Variants in HELLS observed in about 807,000 individuals in gnomAD.
The protein encoded by HELLS is helicase, lymphoid specific.
A neutral mutation model predicts 120.0 loss-of-function variants in HELLS; 32 were observed. That is an observed-to-expected ratio of 0.27 (90% CI 0.20 to 0.36). HELLS has a LOEUF of 0.36. HELLS is among the 10% of genes least tolerant of loss of function. The probability of loss-of-function intolerance (pLI) is 1.00; values close to 1 mark genes in which losing one functional copy is unlikely to be tolerated. For synonymous variants in HELLS, 341 were observed against 323.4 expected (o/e 1.05, Z -0.58); for missense variants, 650 against 993.4 (o/e 0.65, Z 4.65).
chr10:94,577,999 C>T (rs375959135), intron 10 of HELLS, among the ~76,000 whole-genome samples: 92 of 144,344 alleles, frequency 6.4e-4, no homozygotes, highest in African/African-American at 2.1e-3. Context: ...GGAAGCGGAG[C>T]TTGCAGTGAG....
intron 10 of HELLS, among the ~76,000 whole-genome samples, chr10:94,580,370 C>CG (rs1354831885): frequency 2.0e-5 from 3 of 151,236 alleles, no homozygotes; most frequent in East Asian, 3.9e-4. Flanking sequence ...TTAGTAGAGA[C>CG]GGGGTTTCAC....
chr10:94,580,179 ACACAC>A (rs1207284954), intron 10 of HELLS, among the ~76,000 whole-genome samples: 7 of 115,514 alleles, frequency 6.1e-5, no homozygotes, highest in African/African-American at 2.0e-4. Flanking sequence ...ACACACACAC[ACACAC>A]ATTTTTTTTT....
chr10:94,580,393 G>GCAC (rs1158477132), intron 10 of HELLS, among the ~76,000 whole-genome samples: 3 of 151,374 alleles, frequency 2.0e-5, no homozygotes, highest in African/African-American at 7.3e-5. Context: ...AGTTGGCCAG[G>GCAC]CTGGTCTCAA....
At position 94,592,278 on chromosome 10, in the gene HELLS, G is replaced by T. The variant is rs948418095; in HGVS notation, c.1817G>T (p.Arg606Leu). ...TCTGGGAAGTTCTTGATTTTGGATC[G>T]AATGCTGCCAGAACTAAAAAAAAGA... ...TNSGKFLILD[R>L]MLPELKKRGH... The change falls in exon 16 of 22, where the codon CGA (arginine) becomes CTA (leucine). Residue 606 changes from arginine to leucine, a missense_variant. Coordinates refer to ENST00000348459, the MANE Select transcript of HELLS (RefSeq NM_018063.5). 1 of 1,612,014 alleles carries T rather than the reference G, an allele frequency of 6.2e-7. No homozygotes were observed. Among genetic ancestry groups the T allele is most frequent in the Admixed American group, 1.7e-5 (1 of 59,852 alleles).
rs1842921179 is a variant in HELLS at position 94,550,287 on chromosome 10, T to A, written c.153+3789T>A. Among the ~76,000 whole-genome samples, 3 of 151,774 alleles carry A rather than the reference T, an allele frequency of 2.0e-5. No homozygotes were observed. In the South Asian group the frequency reaches 6.2e-4, roughly 32 times the overall value. On this transcript the variant is annotated intron_variant, in intron 2 of 21. Coordinates refer to ENST00000348459, the MANE Select transcript of HELLS (RefSeq NM_018063.5). ...AGTATTTAGGTTTTTTTTGCTTGTT[T>A]GTTTGTTTTGAGACGGAGTCTCCCT...
intron 12 of HELLS, among the ~76,000 whole-genome samples, chr10:94,587,243 A>T (rs554264659): frequency 1.3e-5 from 2 of 152,090 alleles, no homozygotes; most frequent in Admixed American, 6.6e-5. Context: ...CTATTAAAAA[A>T]TTTTTAATTT....
At chr10:94,564,637 A>G (rs1453651050) in intron 6 of HELLS, among the ~76,000 whole-genome samples, 1 of 151,776 alleles carries the variant, frequency 6.6e-6, no homozygotes, top group Non-Finnish European at 1.5e-5. Flanking sequence ...TCTTGGAGAC[A>G]GTCTTGCTCT....
At chr10:94,587,976 T>C (rs1443294601) in intron 12 of HELLS, among the ~76,000 whole-genome samples, 2 of 152,208 alleles carry the variant, frequency 1.3e-5, no homozygotes, top group Non-Finnish European at 2.9e-5. Flanking sequence ...ACCTTTATAT[T>C]TTTACTTTTA....
Position 94,601,680 on chromosome 10 carries a change from A to T in HELLS, c.*58A>T. On this transcript the variant is annotated 3_prime_UTR_variant, in exon 22 of 22. Coordinates refer to ENST00000348459, the MANE Select transcript of HELLS (RefSeq NM_018063.5). Reference sequence around the variant, plus strand: ...TATTTACATCTAGTGATTTCCCTGTATTGGGTTTGAAATACTGATTGTCCA... The same window carrying T: ...TATTTACATCTAGTGATTTCCCTGTTTTGGGTTTGAAATACTGATTGTCCA... The T allele has an allele frequency of 1.1e-6, 1 of 898,142 alleles. No homozygotes were observed. The highest frequency in any genetic ancestry group is 1.8e-6 in the Non-Finnish European group (1 of 567,730). 55.6% of individuals were successfully genotyped at this position (898,142 alleles called of 1,614,324 possible).
At chr10:94,554,348 T>C in intron 3 of HELLS, 100 bp downstream of exon 3, 2 of 809,236 alleles carry the variant, frequency 2.5e-6, no homozygotes, top group Non-Finnish European at 3.6e-6. Context: ...AGATTTTAAG[T>C]GTACGGTTTG....
At chr10:94,558,612 T>C (rs1843381153) in intron 4 of HELLS, among the ~76,000 whole-genome samples, 1 of 152,098 alleles carries the variant, frequency 6.6e-6, no homozygotes, top group Non-Finnish European at 1.5e-5. Context: ...ATTTTTTTTT[T>C]CTTTTTTGAG....
intron 3 of HELLS, among the ~76,000 whole-genome samples, chr10:94,554,594 A>G (rs535831367): frequency 7.5e-4 from 111 of 148,912 alleles, no homozygotes; most frequent in Non-Finnish European, 1.4e-3. Flanking sequence ...CTTCATCACC[A>G]TTTCCTGGTA....
At chr10:94,553,964 C>G (rs1843113149) in intron 2 of HELLS, among the ~76,000 whole-genome samples, 162 bp from the exon 3 acceptor site, 2 of 151,474 alleles carry the variant, frequency 1.3e-5, no homozygotes, top group African/African-American at 4.9e-5. Context: ...CCTGTTAAAC[C>G]CAAAAACTAT....
At chr10:94,552,735 G>C (rs187144257) in intron 2 of HELLS, among the ~76,000 whole-genome samples, 1 of 152,216 alleles carries the variant, frequency 6.6e-6, no homozygotes, top group East Asian at 1.9e-4. Flanking sequence ...ACTTTGGGAG[G>C]ACAAGGCAGA....
At chr10:94,573,022 C>T (rs1256907886) in intron 7 of HELLS, among the ~76,000 whole-genome samples, 9 of 151,774 alleles carry the variant, frequency 5.9e-5, no homozygotes, top group African/African-American at 2.2e-4. Context: ...TGCAATGGCA[C>T]GATCTCGGCT....
At chr10:94,570,210 A>G (rs969754942) in intron 6 of HELLS, 2 of 151,702 alleles carry the variant, frequency 1.3e-5, no homozygotes, top group Admixed American at 6.6e-5. Flanking sequence ...CCCAGCCAAC[A>G]TTTATATTTT....
intron 6 of HELLS, chr10:94,569,397 TG>T (rs1209358758): frequency 3.3e-5 from 5 of 151,908 alleles, no homozygotes; most frequent in Non-Finnish European, 5.9e-5. Context: ...TTGGCCAGGC[TG>T]GTCTCAAACT....
chr10:94,588,378 T>C lies in HELLS; in HGVS notation c.1476T>C (p.Phe492=), dbSNP rs367904780. Residue 492 remains phenylalanine, a synonymous_variant, in exon 13 of 22, where the codon TTT becomes TTC. Coordinates refer to ENST00000348459, the MANE Select transcript of HELLS (RefSeq NM_018063.5). ...TGAACCGTACAATTGCAAACATGTT[T>C]GGATCCAGTGAGGTATAGTGGTTTT... ...AIVNRTIANM[F]GSSEKETIEL... 7.5e-6 allele frequency: 12 copies of C among 1,603,278 alleles called. No homozygotes were observed. Among genetic ancestry groups the C allele is most frequent in the Admixed American group, 5.2e-5 (3 of 57,936 alleles).
chr10:94,597,172 A>C, intron 21 of HELLS, 61 bp downstream of exon 21: 1 of 927,306 alleles, frequency 1.1e-6, no homozygotes, highest in Non-Finnish European at 1.7e-6. Flanking sequence ...AGCATAATGT[A>C]ATGAACCCCT....
Sources: allele counts gnomAD v4.1 joint callset (sites outside exome capture counted in the v4.1 genomes callset), GRCh38; gene constraint gnomAD v4.1.1; transcripts MANE v1.5; gene names NCBI Gene and HGNC (gene_info 2026-07-23, HGNC 2026-07-21).